Variants in RYR3 observed in about 807,000 individuals in gnomAD.
The protein encoded by RYR3 is brain ryanodine receptor-calcium release channel.
In RYR3, 207 loss-of-function variants were observed where a neutral mutation model predicts 584.3. The ratio of observed to expected loss-of-function variants is 0.35; its 90% confidence interval spans 0.32 to 0.40. The LOEUF is 0.40. Among genes scored for constraint, RYR3 ranks in the 10% least tolerant of loss-of-function variants. The pLI is 1.00. For missense variants in RYR3, 5,616 were observed against 6,089.2 expected (o/e 0.92, Z 2.59); for synonymous variants, 2,416 against 2,248.5 (o/e 1.07, Z -2.11).
intron 2 of RYR3, among the ~76,000 whole-genome samples, chr15:33,483,267 C>T (rs986100245): frequency 1.8e-4 from 27 of 152,186 alleles, no homozygotes; most frequent in African/African-American, 6.5e-4. Flanking sequence ...AAATCCTTGA[C>T]TACCAATTCA....
chr15:33,313,191 T>G (rs1967602647), intron 1 of RYR3, among the ~76,000 whole-genome samples: 1 of 152,238 alleles, frequency 6.6e-6, no homozygotes, highest in South Asian at 2.1e-4. Context: ...TGAGGCACCT[T>G]AACATCTTTG....
intron 19 of RYR3, among the ~76,000 whole-genome samples, chr15:33,614,358 A>T (rs1327023808): frequency 6.6e-6 from 1 of 152,224 alleles, no homozygotes; most frequent in Non-Finnish European, 1.5e-5. Flanking sequence ...AGTCTGAAGC[A>T]CATCTCTAAT....
At chr15:33,702,317 A>G (rs1156507721) in intron 42 of RYR3, among the ~76,000 whole-genome samples, 2 of 152,250 alleles carry the variant, frequency 1.3e-5, no homozygotes, top group African/African-American at 4.8e-5. Flanking sequence ...CCCCAGTTTC[A>G]GTAAGAAGAA....
At chr15:33,774,975 CAT>C (rs2073891548) in intron 64 of RYR3, among the ~76,000 whole-genome samples, 1 of 151,432 alleles carries the variant, frequency 6.6e-6, no homozygotes, top group Admixed American at 6.6e-5. Context: ...TACATTCACT[CAT>C]ATGTCTGTAT....
At chr15:33,863,731 G>C (rs1307208171) in intron 102 of RYR3, among the ~76,000 whole-genome samples, 2 of 152,154 alleles carry the variant, frequency 1.3e-5, no homozygotes, top group Admixed American at 1.3e-4. Flanking sequence ...ATATTCTTGA[G>C]ACACACACAT....
At chr15:33,508,120 G>A (rs1180679469) in intron 3 of RYR3, among the ~76,000 whole-genome samples, 5 of 152,284 alleles carry the variant, frequency 3.3e-5, no homozygotes, top group Middle Eastern at 3.4e-3. Flanking sequence ...CACTCCTGCC[G>A]ATAAGGGCTC....
At chr15:33,575,682 T>G (rs1441293496) in intron 12 of RYR3, among the ~76,000 whole-genome samples, 1 of 151,554 alleles carries the variant, frequency 6.6e-6, no homozygotes, top group African/African-American at 2.4e-5. Flanking sequence ...CAAATTGACA[T>G]CCTAACATCA....
Position 33,635,608 on chromosome 15 carries a change from C to G in RYR3, c.3176-6C>G. The G allele has an allele frequency of 1.2e-6, 2 of 1,611,986 alleles. No homozygotes were observed. Among genetic ancestry groups the G allele is most frequent in the Non-Finnish European group, 1.7e-6 (2 of 1,178,648 alleles). ...CACCCTCTGTTCGCCTTTCTTCTCA[C>G]AATAGCTGACTCGGCTGTGGAGAAG... is the stretch of plus-strand genomic sequence containing the variant. On this transcript the variant is annotated splice_region_variant and splice_polypyrimidine_tract_variant and intron_variant, in intron 25 of 103. Coordinates refer to ENST00000634891, the MANE Select transcript of RYR3 (RefSeq NM_001036.6).
At chr15:33,636,299 G>A (rs2291734) in intron 26 of RYR3, 77 bp from the exon 27 acceptor site, 244,164 of 1,266,648 alleles carry the variant, frequency 0.19, 25,325 homozygotes, top group Admixed American at 0.27. Context: ...AGGAGATATC[G>A]AAGATATGGT....
chr15:33,418,321 G>C (rs185280777), intron 1 of RYR3, among the ~76,000 whole-genome samples: 1 of 149,702 alleles, frequency 6.7e-6, no homozygotes, highest in African/African-American at 2.5e-5. Context: ...GCTTTTTCTC[G>C]TTGGCAGGTT....
chr15:33,369,842 G>A (rs903280195), intron 1 of RYR3, among the ~76,000 whole-genome samples: 5 of 152,098 alleles, frequency 3.3e-5, no homozygotes, highest in Admixed American at 6.6e-5. Flanking sequence ...CTTATGTGTT[G>A]GTTCTCTTTG....
chr15:33,860,784 C>A, intron 101 of RYR3, 125 bp downstream of exon 101: 1 of 787,698 alleles, frequency 1.3e-6, no homozygotes, highest in Non-Finnish European at 2.0e-6. Flanking sequence ...GTTTGTTTTC[C>A]ATGCCCTGTT....
intron 17 of RYR3, among the ~76,000 whole-genome samples, chr15:33,601,761 A>C (rs1211129685): frequency 1.3e-5 from 2 of 152,216 alleles, no homozygotes; most frequent in African/African-American, 4.8e-5. Flanking sequence ...TTTTCTGTTT[A>C]AGTAGCTGAG....
At chr15:33,712,884 T>C (rs2067224312) in intron 43 of RYR3, among the ~76,000 whole-genome samples, 2 of 152,182 alleles carry the variant, frequency 1.3e-5, no homozygotes, top group African/African-American at 2.4e-5. Context: ...TAATAATGTA[T>C]GCCTCACAGA....
chr15:33,707,583 A>G (rs533785485), intron 43 of RYR3, among the ~76,000 whole-genome samples: 1 of 152,362 alleles, frequency 6.6e-6, no homozygotes, highest in East Asian at 1.9e-4. Context: ...CACAACCAGA[A>G]TTCTTTAGTT....
intron 54 of RYR3, 84 bp from the exon 55 acceptor site, chr15:33,748,384 C>T: frequency 1.3e-6 from 2 of 1,535,518 alleles, no homozygotes; most frequent in South Asian, 1.2e-5. Context: ...TTTCAGGACA[C>T]ATTTTTGACA....
intron 62 of RYR3, among the ~76,000 whole-genome samples, chr15:33,771,500 G>C (rs57153050): frequency 0.39 from 58,611 of 151,264 alleles, 11,497 homozygotes; most frequent in South Asian, 0.5. Flanking sequence ...CACCATTGCA[G>C]TCCAGCCTGG....
intron 1 of RYR3, among the ~76,000 whole-genome samples, chr15:33,346,246 C>T (rs1040251890): frequency 2.0e-5 from 3 of 152,164 alleles, no homozygotes; most frequent in African/African-American, 7.2e-5. Context: ...AAGGACATAA[C>T]TGAGAGGGAG....
At chr15:33,728,826 A>G (rs2068687274) in intron 46 of RYR3, 31 bp from the exon 47 acceptor site, 4 of 1,595,346 alleles carry the variant, frequency 2.5e-6, no homozygotes, top group Middle Eastern at 1.7e-4. Context: ...AGACAGGAAA[A>G]GGGAAATTAC....
Sources: allele counts gnomAD v4.1 joint callset (sites outside exome capture counted in the v4.1 genomes callset), GRCh38; gene constraint gnomAD v4.1.1; transcripts MANE v1.5; gene names NCBI Gene and HGNC (gene_info 2026-07-23, HGNC 2026-07-21).